Variants in CTNNA3 observed in about 807,000 individuals in gnomAD.
CTNNA3 encodes the protein catenin alpha-3.
A neutral mutation model predicts 95.7 loss-of-function variants in CTNNA3; 76 were observed. The observed-to-expected ratio is 0.79, with a 90% CI of 0.66 to 0.96. CTNNA3 has a LOEUF of 0.96. CTNNA3 is among the 40% of genes least tolerant of loss of function. The pLI is 0.00. For missense variants in CTNNA3, 1,191 were observed against 1,089.8 expected (o/e 1.09, Z -1.31); for synonymous variants, 431 against 374.4 (o/e 1.15, Z -1.74).
intron 5 of CTNNA3, among the ~76,000 whole-genome samples, chr10:67,250,262 C>A (rs1589085934): frequency 6.6e-6 from 1 of 151,666 alleles, no homozygotes; most frequent in Non-Finnish European, 1.5e-5. Flanking sequence ...GTCACCCAGG[C>A]TGGAGGGCAG....
At chr10:67,235,797 T>A (rs1589066503) in intron 5 of CTNNA3, among the ~76,000 whole-genome samples, 1 of 143,034 alleles carries the variant, frequency 7.0e-6, no homozygotes, top group East Asian at 2.1e-4. Context: ...GAATCTACAA[T>A]GAACTCAAAC....
intron 12 of CTNNA3, among the ~76,000 whole-genome samples, chr10:66,317,752 A>C (rs753931924): frequency 1.3e-4 from 20 of 152,168 alleles, no homozygotes; most frequent in Non-Finnish European, 2.5e-4. Flanking sequence ...AATGTCAGTA[A>C]CACAAACAGT....
chr10:67,257,150 T>C (rs1866385318), intron 5 of CTNNA3, among the ~76,000 whole-genome samples: 1 of 152,218 alleles, frequency 6.6e-6, no homozygotes, highest in South Asian at 2.1e-4. Context: ...AAATAGTTTC[T>C]TGAATCATCA....
intron 14 of CTNNA3, among the ~76,000 whole-genome samples, chr10:66,074,400 G>C (rs1294041243): frequency 1.3e-5 from 2 of 151,632 alleles, no homozygotes; most frequent in South Asian, 2.1e-4. Flanking sequence ...TACATCACAG[G>C]GATCATCATA....
At chr10:66,978,959 C>CGTT in intron 7 of CTNNA3, among the ~76,000 whole-genome samples, 2 of 128,360 alleles carry the variant, frequency 1.6e-5, no homozygotes, top group African/African-American at 5.7e-5. Context: ...ATACTTATTT[C>CGTT]CTTTTTTTTT....
At chr10:66,380,903 C>A (rs985984359) in intron 11 of CTNNA3, among the ~76,000 whole-genome samples, 12 of 150,868 alleles carry the variant, frequency 8.0e-5, no homozygotes, top group Non-Finnish European at 1.3e-4. Flanking sequence ...ATTCATAAAG[C>A]AAGTCCTTAG....
At chr10:67,307,481 T>TG (rs1188963037) in intron 5 of CTNNA3, among the ~76,000 whole-genome samples, 36 of 152,188 alleles carry the variant, frequency 2.4e-4, no homozygotes, top group South Asian at 4.2e-4. Context: ...TTTGTTTGTT[T>TG]GTTTGGTTGG....
At chr10:67,435,383 A>T (rs559829365) in intron 5 of CTNNA3, among the ~76,000 whole-genome samples, 2 of 152,188 alleles carry the variant, frequency 1.3e-5, no homozygotes, top group East Asian at 3.9e-4. Context: ...ATAACATTGA[A>T]TAAGGAAAAG....
chr10:66,352,358 G>A (rs1308992659), intron 12 of CTNNA3, among the ~76,000 whole-genome samples: 1 of 152,084 alleles, frequency 6.6e-6, no homozygotes, highest in Admixed American at 6.6e-5. Context: ...ATAGACAAAT[G>A]TGCATGACAA....
chr10:66,668,270 AC>A (rs2132463464), intron 9 of CTNNA3, among the ~76,000 whole-genome samples: 1 of 152,324 alleles, frequency 6.6e-6, no homozygotes, highest in South Asian at 2.1e-4. Flanking sequence ...ATAATGGGAA[AC>A]ATAAAAGGGA....
chr10:66,112,299 C>A (rs2082150160), intron 13 of CTNNA3, among the ~76,000 whole-genome samples: 2 of 152,066 alleles, frequency 1.3e-5, no homozygotes, highest in Non-Finnish European at 2.9e-5. Flanking sequence ...TGAGTTAATG[C>A]AACAGAAGAA....
chr10:66,581,443 A>T (rs1274943712), intron 10 of CTNNA3, among the ~76,000 whole-genome samples: 1 of 150,202 alleles, frequency 6.7e-6, no homozygotes, highest in Admixed American at 6.6e-5. Flanking sequence ...AATAATGGTT[A>T]TTCTGGCTCG....
chr10:66,621,676 A>T lies in CTNNA3; in HGVS notation c.1374+16T>A. On this transcript the variant is annotated intron_variant, in intron 10 of 17. Transcript: ENST00000433211. Reference sequence around the variant, plus strand: ...ATATATAATTTTACACACAAAAAGTAACTTAGTTGTCATACCTGTGGACAC... The same window carrying T: ...ATATATAATTTTACACACAAAAAGTTACTTAGTTGTCATACCTGTGGACAC... 6.9e-7 allele frequency: 1 copy of T among 1,453,442 alleles called. No homozygotes were observed. Among genetic ancestry groups the T allele is most frequent in the Non-Finnish European group, 9.5e-7 (1 of 1,048,736 alleles). The allele number at this position is 1,453,442 out of a possible 1,614,324, so 90.0% of individuals were successfully genotyped here.
At chr10:65,931,808 C>T (rs118077510) in intron 17 of CTNNA3, among the ~76,000 whole-genome samples, 43 of 152,294 alleles carry the variant, frequency 2.8e-4, no homozygotes, top group Admixed American at 3.3e-4. Context: ...GCTGAGAGGA[C>T]GAGGTTCAAA....
intron 5 of CTNNA3, among the ~76,000 whole-genome samples, chr10:67,421,233 G>A (rs548580726): frequency 1.3e-5 from 2 of 152,314 alleles, no homozygotes; most frequent in South Asian, 4.1e-4. Flanking sequence ...AAATATGTCT[G>A]CTACTTTGCA....
At chr10:67,022,478 C>G (rs964490600) in intron 7 of CTNNA3, among the ~76,000 whole-genome samples, 4 of 151,870 alleles carry the variant, frequency 2.6e-5, no homozygotes, top group African/African-American at 9.7e-5. Flanking sequence ...TTTTCACAGA[C>G]TAATAAAAAT....
chr10:67,050,873 T>C (rs531769468), intron 7 of CTNNA3, among the ~76,000 whole-genome samples: 2 of 152,234 alleles, frequency 1.3e-5, no homozygotes, highest in Non-Finnish European at 2.9e-5. Context: ...TTGTTTGGAT[T>C]ACTTACATAC....
rs183400708 is a variant in CTNNA3, at chr10:66,790,390, G to A, written c.1048-14866C>T. Among the ~76,000 whole-genome samples, 365 of 152,158 alleles carry A rather than the reference G, an allele frequency of 2.4e-3. 1 individual carries two copies. The highest frequency in any genetic ancestry group is 3.9e-3 in the Non-Finnish European group (266 of 67,988). The stretch of plus-strand genomic sequence containing the variant: ...CTTGAGGCAGAGGTTGCAGTGAGCC[G>A]AGATAACAGTGAGCCGAGATTGCAC... On this transcript the variant is annotated intron_variant, in intron 7 of 17. Coordinates refer to ENST00000433211, the MANE Select transcript of CTNNA3 (RefSeq NM_013266.4).
chr10:67,552,091 G>A (rs118084196), intron 3 of CTNNA3, among the ~76,000 whole-genome samples: 2 of 152,136 alleles, frequency 1.3e-5, no homozygotes. Context: ...ATTGATAGCC[G>A]CTAGTGTCCA....
Sources: allele counts gnomAD v4.1 joint callset (sites outside exome capture counted in the v4.1 genomes callset), GRCh38; gene constraint gnomAD v4.1.1; transcripts MANE v1.5; gene names NCBI Gene and HGNC (gene_info 2026-07-23, HGNC 2026-07-21).